Variants in RPTOR observed in about 807,000 individuals in gnomAD.
The protein encoded by RPTOR is regulatory associated protein of MTOR complex 1.
In RPTOR, 21 loss-of-function variants were observed where a neutral mutation model predicts 169.9. The observed-to-expected ratio is 0.12, with a 90% CI of 0.09 to 0.18. The LOEUF is 0.18. Ranked by LOEUF, RPTOR falls within the 10% of genes least tolerant of loss-of-function variation. RPTOR has a pLI of 1.00. For synonymous variants in RPTOR, 732 were observed against 753.2 expected, an observed-to-expected ratio of 0.97 and a Z score of 0.46; for missense variants, 1,133 against 1,855.9, an observed-to-expected ratio of 0.61 and a Z score of 7.16.
chr17:80,620,209 T>C (rs902832804), intron 1 of RPTOR, among the ~76,000 whole-genome samples: 2 of 152,186 alleles, frequency 1.3e-5, no homozygotes, highest in African/African-American at 4.8e-5. Flanking sequence ...AATGATACTC[T>C]TTTCAAATTC....
At chr17:80,864,073 A>G (rs542505743) in intron 13 of RPTOR, among the ~76,000 whole-genome samples, 1 of 152,262 alleles carries the variant, frequency 6.6e-6, no homozygotes, top group Non-Finnish European at 1.5e-5. Context: ...GCTAGCAGAA[A>G]AAGTATTTGA....
At chr17:80,895,889 A>G (rs11150756) in intron 20 of RPTOR, among the ~76,000 whole-genome samples, 116,257 of 152,170 alleles carry the variant, frequency 0.76, 44,570 homozygotes, top group Admixed American at 0.8. Context: ...TGTGTCGTTT[A>G]TCTTTCTCTG....
At chr17:80,907,631 G>A (rs1315513797) in intron 20 of RPTOR, among the ~76,000 whole-genome samples, 4 of 152,178 alleles carry the variant, frequency 2.6e-5, no homozygotes, top group South Asian at 2.1e-4. Flanking sequence ...CACATAGCCC[G>A]TGCCTGCCCC....
chr17:80,782,492 G>A (rs564246928), intron 6 of RPTOR, among the ~76,000 whole-genome samples: 1 of 152,148 alleles, frequency 6.6e-6, no homozygotes, highest in East Asian at 1.9e-4. Context: ...CCCAGCAGTC[G>A]CATGTGAAAA....
At chr17:80,747,823 AT>A (rs2066591024) in intron 5 of RPTOR, among the ~76,000 whole-genome samples, 1 of 152,220 alleles carries the variant, frequency 6.6e-6, no homozygotes, top group African/African-American at 2.4e-5. Flanking sequence ...ACCCCATGCC[AT>A]CCTATGTTCT....
intron 1 of RPTOR, among the ~76,000 whole-genome samples, chr17:80,618,250 G>A (rs752029903): frequency 1.8e-4 from 28 of 152,208 alleles, no homozygotes; most frequent in Admixed American, 6.5e-4. Context: ...GCCTCCCAAA[G>A]TGCTGGGATG....
At chr17:80,903,942 A>G (rs889360537) in intron 20 of RPTOR, among the ~76,000 whole-genome samples, 1 of 152,260 alleles carries the variant, frequency 6.6e-6, no homozygotes, top group Non-Finnish European at 1.5e-5. Flanking sequence ...GACGGTGGTG[A>G]GAAAATGAAC....
chr17:80,583,191 T>TTG (rs2065030824), intron 1 of RPTOR, among the ~76,000 whole-genome samples: 2 of 132,066 alleles, frequency 1.5e-5, no homozygotes, highest in African/African-American at 2.8e-5. Context: ...TGTTTTTTTT[T>TTG]TTTTTTTTTT....
At chr17:80,768,438 T>G (rs1029640084) in intron 6 of RPTOR, among the ~76,000 whole-genome samples, 2 of 152,142 alleles carry the variant, frequency 1.3e-5, no homozygotes, top group Non-Finnish European at 2.9e-5. Flanking sequence ...AAAGGAGCAT[T>G]CAGAAAAGAA....
intron 28 of RPTOR, among the ~76,000 whole-genome samples, chr17:80,950,755 A>G (rs2069165890): frequency 6.6e-6 from 1 of 152,016 alleles, no homozygotes; most frequent in African/African-American, 2.4e-5. Context: ...GGGTCAGGCC[A>G]CTCACCGGCC....
intron 26 of RPTOR, among the ~76,000 whole-genome samples, chr17:80,946,859 G>A (rs1233010348): frequency 2.6e-5 from 4 of 152,246 alleles, no homozygotes; most frequent in Admixed American, 6.5e-5. Context: ...TGGACCATAT[G>A]GTGATGCTCT....
At chr17:80,664,357 C>T (rs752861621) in intron 3 of RPTOR, among the ~76,000 whole-genome samples, 42 of 152,180 alleles carry the variant, frequency 2.8e-4, no homozygotes, top group Non-Finnish European at 5.1e-4. Flanking sequence ...AATTCTTACA[C>T]TCAGTATTGA....
At chr17:80,692,646 A>G (rs2066003017) in intron 3 of RPTOR, among the ~76,000 whole-genome samples, 1 of 151,576 alleles carries the variant, frequency 6.6e-6, no homozygotes, top group Middle Eastern at 3.2e-3. Context: ...TATTTTTAGT[A>G]GTGATGAAGT....
chr17:80,634,009 C>G (rs2065461583), intron 2 of RPTOR, among the ~76,000 whole-genome samples: 1 of 152,052 alleles, frequency 6.6e-6, no homozygotes, highest in African/African-American at 2.4e-5. Context: ...AACTGGCGTG[C>G]TATTGCTCCC....
chr17:80,893,412 A>T lies in RPTOR; in HGVS notation c.2243-295A>T, dbSNP rs182280821. On this transcript the variant is annotated intron_variant, in intron 19 of 33. Transcript: ENST00000306801. Reference sequence around the variant, plus strand: ...CATGCCAGGGTGTGTGTGTGTGTGTACAAGGGTGTGTGTGTGCCAGGGTGT... The same window carrying T: ...CATGCCAGGGTGTGTGTGTGTGTGTTCAAGGGTGTGTGTGTGCCAGGGTGT... 9.7e-4 allele frequency among the ~76,000 whole-genome samples: 86 copies of T among 88,934 alleles called. 2 individuals are homozygous for T. Among genetic ancestry groups the T allele is most frequent in the Middle Eastern group, 9.8e-3 (1 of 102 alleles). 58.3% of individuals were successfully genotyped at this position (88,934 alleles called of 152,430 possible).
chr17:80,741,463 C>G (rs1411945279), intron 5 of RPTOR, among the ~76,000 whole-genome samples: 2 of 152,110 alleles, frequency 1.3e-5, no homozygotes, highest in Non-Finnish European at 2.9e-5. Context: ...AGGACTTAGG[C>G]AAAAGGAGTT....
intron 13 of RPTOR, among the ~76,000 whole-genome samples, chr17:80,864,765 C>T (rs995071006): frequency 3.1e-4 from 47 of 152,240 alleles, no homozygotes; most frequent in African/African-American, 1.1e-3. Flanking sequence ...TTATTTAAAT[C>T]TTCTTTAAAA....
intron 1 of RPTOR, among the ~76,000 whole-genome samples, chr17:80,615,895 T>C (rs1203162674): frequency 6.6e-6 from 1 of 152,142 alleles, no homozygotes; most frequent in African/African-American, 2.4e-5. Context: ...GCCTCTGTTA[T>C]TGGAATCCAC....
intron 2 of RPTOR, among the ~76,000 whole-genome samples, chr17:80,630,138 T>C (rs1036396075): frequency 4.6e-5 from 7 of 152,254 alleles, no homozygotes; most frequent in Non-Finnish European, 1.0e-4. Context: ...CCTTGATCTA[T>C]AGTTCAGAAA....
Sources: gnomAD v4.1 joint callset for allele counts (sites outside exome capture counted in the v4.1 genomes callset) on GRCh38, gnomAD v4.1.1 for gene constraint, MANE v1.5 for transcripts, NCBI Gene and HGNC (gene_info 2026-07-23, HGNC 2026-07-21) for gene names.